CNTN4: variants seen among roughly 807,000 people sequenced by gnomAD.
The protein encoded by CNTN4 is contactin 4.
Under a neutral mutation model 122.5 loss-of-function variants are expected in CNTN4, and 77 were observed. That is an observed-to-expected ratio of 0.63 (90% CI 0.52 to 0.76). The LOEUF (loss-of-function observed/expected upper bound fraction) is 0.76, where lower values mean the gene tolerates loss of function less well. Among genes scored for constraint, CNTN4 ranks in the 30% least tolerant of loss-of-function variants. CNTN4 has a pLI of 0.00. For missense variants in CNTN4, 1,256 were observed against 1,259.1 expected (o/e 1.00, Z 0.04); for synonymous variants, 512 against 447.0 (o/e 1.15, Z -1.83).
intron 7 of CNTN4, among the ~76,000 whole-genome samples, chr3:2,861,681 C>T (rs767043693): frequency 2.0e-4 from 31 of 152,166 alleles, no homozygotes; most frequent in Non-Finnish European, 2.8e-4. Flanking sequence ...CAAAACACAA[C>T]GCAGCTTAAA....
intron 13 of CNTN4, among the ~76,000 whole-genome samples, chr3:2,965,125 C>T (rs1297308953): frequency 6.6e-6 from 1 of 152,148 alleles, no homozygotes; most frequent in African/African-American, 2.4e-5. Context: ...TCATTTTCTA[C>T]CTCTGTGCTC....
At chr3:2,771,363 T>C in intron 6 of CNTN4, among the ~76,000 whole-genome samples, 1 of 152,086 alleles carries the variant, frequency 6.6e-6, no homozygotes, top group South Asian at 2.1e-4. Flanking sequence ...ATAAAAGAGA[T>C]TTGGGTCCCT....
rs1267900995 is a variant in CNTN4 at position 2,206,003 on chromosome 3, C to T, written c.-145+105364C>T. On this transcript the variant is annotated intron_variant, in intron 2 of 24. Coordinates refer to ENST00000418658, the MANE Select transcript of CNTN4 (RefSeq NM_175607.3). ...GGTGGCAAATACTCGGAAGGGTATT[C>T]CAGTTCTGTTTCTTTGTAGGCAGTT... 2.0e-5 allele frequency among the ~76,000 whole-genome samples: 3 copies of T among 152,008 alleles called. No homozygotes were observed. In the East Asian group the frequency reaches 5.8e-4, roughly 29 times the overall value.
At chr3:3,041,102 T>G (rs1700124986) in intron 20 of CNTN4, 1 of 152,138 alleles carries the variant, frequency 6.6e-6, no homozygotes, top group African/African-American at 2.4e-5. Flanking sequence ...ACCTTTGGAG[T>G]TCGTCTATGT....
intron 3 of CNTN4, among the ~76,000 whole-genome samples, chr3:2,523,320 C>G (rs1357742851): frequency 6.7e-6 from 1 of 149,328 alleles, no homozygotes; most frequent in Non-Finnish European, 1.5e-5. Flanking sequence ...TTATGTTGCT[C>G]CTAGTGGTGA....
chr3:2,190,194 A>C (rs2037461269), intron 2 of CNTN4, among the ~76,000 whole-genome samples: 1 of 152,202 alleles, frequency 6.6e-6, no homozygotes, highest in South Asian at 2.1e-4. Context: ...TAATGGGCAA[A>C]TATTTCCTGA....
chr3:2,122,023 GC>G (rs1553569019), intron 2 of CNTN4, among the ~76,000 whole-genome samples: 16 of 147,802 alleles, frequency 1.1e-4, no homozygotes, highest in East Asian at 2.0e-4. Context: ...GGGCGTGGTG[GC>G]GGCGCCTGTA....
intron 2 of CNTN4, among the ~76,000 whole-genome samples, chr3:2,275,789 G>A (rs1476415841): frequency 6.6e-6 from 1 of 151,598 alleles, no homozygotes; most frequent in East Asian, 2.0e-4. Context: ...GCGTGGTGGT[G>A]TGTGCCTGTA....
At chr3:2,627,616 C>T (rs981740629) in intron 4 of CNTN4, among the ~76,000 whole-genome samples, 2 of 151,482 alleles carry the variant, frequency 1.3e-5, no homozygotes, top group Non-Finnish European at 2.9e-5. Flanking sequence ...GCTTCAGCCT[C>T]CCGAGTAGTT....
At chr3:2,608,436 G>T (rs1306162455) in intron 4 of CNTN4, among the ~76,000 whole-genome samples, 1 of 151,620 alleles carries the variant, frequency 6.6e-6, no homozygotes, top group African/African-American at 2.4e-5. Flanking sequence ...CTACAGCCTG[G>T]GCAACATAGT....
intron 3 of CNTN4, among the ~76,000 whole-genome samples, chr3:2,502,269 G>A (rs191451807): frequency 1.3e-5 from 2 of 152,240 alleles, no homozygotes; most frequent in African/African-American, 4.8e-5. Flanking sequence ...CACTTCATGT[G>A]CTAAGGGTGG....
intron 3 of CNTN4, among the ~76,000 whole-genome samples, chr3:2,427,322 G>T (rs555571203): frequency 2.6e-5 from 4 of 152,016 alleles, no homozygotes; most frequent in African/African-American, 9.7e-5. Flanking sequence ...CCTTCATTTC[G>T]TTATGTACCC....
chr3:2,890,323 C>G (rs1181371393), intron 10 of CNTN4, among the ~76,000 whole-genome samples: 1 of 152,178 alleles, frequency 6.6e-6, no homozygotes, highest in Non-Finnish European at 1.5e-5. Context: ...TAATATCCAG[C>G]TGCATAGGTC....
intron 6 of CNTN4, among the ~76,000 whole-genome samples, chr3:2,794,555 G>A (rs373506777): frequency 9.9e-5 from 15 of 152,098 alleles, no homozygotes; most frequent in Admixed American, 3.9e-4. Context: ...TGAAAGTATC[G>A]ACTTGGGTTC....
chr3:2,902,882 A>G lies in CNTN4; in HGVS notation c.1084A>G (p.Ile362Val), dbSNP rs745381317. Residue 362 changes from isoleucine (I) to valine (V), a missense_variant, in exon 12 of 25, where the codon ATT becomes GTT. By Grantham distance (29) the Ile-to-Val change is conservative. Transcript: ENST00000418658. Reference sequence around the variant, plus strand: ...TTCCTCTTTTCTTTCACAGGATAGAATTCAAATTGAGCAAGGAACACTCAA... The same window carrying G: ...TTCCTCTTTTCTTTCACAGGATAGAGTTCAAATTGAGCAAGGAACACTCAA... ...NGEPLLTRDRIQIEQGTLNIT... is the reference protein window; with the variant it reads ...NGEPLLTRDRVQIEQGTLNIT... 13 of 1,613,346 alleles carry G rather than the reference A, an allele frequency of 8.1e-6. No homozygotes were observed. Among genetic ancestry groups the G allele is most frequent in the Non-Finnish European group, 1.1e-5 (13 of 1,179,588 alleles).
intron 2 of CNTN4, among the ~76,000 whole-genome samples, chr3:2,118,003 C>T (rs2033478924): frequency 6.6e-6 from 1 of 152,064 alleles, no homozygotes; most frequent in Non-Finnish European, 1.5e-5. Flanking sequence ...AAAAACACCC[C>T]AGCTATTACA....
chr3:3,027,339 G>T (rs1170723338), intron 15 of CNTN4, among the ~76,000 whole-genome samples: 1 of 152,184 alleles, frequency 6.6e-6, no homozygotes, highest in Non-Finnish European at 1.5e-5. Context: ...TACATCAGTG[G>T]ATGCCTGGGT....
At chr3:2,584,045 A>T (rs564316326) in intron 4 of CNTN4, among the ~76,000 whole-genome samples, 1 of 152,216 alleles carries the variant, frequency 6.6e-6, no homozygotes, top group Non-Finnish European at 1.5e-5. Flanking sequence ...TGCTCAGTGT[A>T]TGAGCTTGAG....
intron 7 of CNTN4, among the ~76,000 whole-genome samples, chr3:2,823,759 G>C (rs953094341): frequency 1.2e-4 from 18 of 152,084 alleles, no homozygotes; most frequent in African/African-American, 4.3e-4. Context: ...AAAATTTCTA[G>C]TTTATTCCTC....
Sources: gnomAD v4.1 joint callset for allele counts (sites outside exome capture counted in the v4.1 genomes callset) on GRCh38, gnomAD v4.1.1 for gene constraint, MANE v1.5 for transcripts, NCBI Gene and HGNC (gene_info 2026-07-23, HGNC 2026-07-21) for gene names.